The following GIPC1 variants were observed in gnomAD, a reference collection of about 807,000 sequenced individuals.
GIPC1 encodes the protein PDZ domain-containing protein GIPC1.
Under a neutral mutation model 28.5 loss-of-function variants are expected in GIPC1, and 15 were observed. That is an observed-to-expected ratio of 0.53 (90% CI 0.35 to 0.81). GIPC1 has a LOEUF of 0.81. GIPC1 is among the 30% of genes least tolerant of loss of function. The probability of loss-of-function intolerance (pLI) is 0.01; values close to 1 mark genes in which losing one functional copy is unlikely to be tolerated. For missense variants in GIPC1, 439 were observed against 481.9 expected (o/e 0.91, Z 0.83); for synonymous variants, 224 against 206.1 (o/e 1.09, Z -0.74).
chr19:14,495,834 C>T (rs2146500789), intron 1 of GIPC1, among the ~76,000 whole-genome samples: 1 of 152,132 alleles, frequency 6.6e-6, no homozygotes, highest in Non-Finnish European at 1.5e-5. Context: ...TGTCCCCTGC[C>T]CGCCAGCAGG....
chr19:14,478,938 G>A lies in GIPC1; in HGVS notation c.769-173C>T, dbSNP rs888842696. Among the ~76,000 whole-genome samples, 2 of 152,152 alleles carry A rather than the reference G, an allele frequency of 1.3e-5. No individual in the cohort carries two copies. Among genetic ancestry groups the A allele is most frequent in the East Asian group, 1.9e-4 (1 of 5,196 alleles). On this transcript the variant is annotated intron_variant, in intron 7 of 8. Coordinates refer to ENST00000393033, the MANE Select transcript of GIPC1 (RefSeq NM_005716.4). The surrounding 1 kb of genome is among the most constrained non-coding windows in gnomAD (Gnocchi z 5.2). The stretch of plus-strand genomic sequence containing the variant: ...CCCATTTTACTGATGGGCAAACTGC[G>A]GCCCATGTGCCCAAGGAAGGTCCCT...
intron 1 of GIPC1, 42 bp downstream of exon 1, chr19:14,495,995 G>T: frequency 5.0e-6 from 1 of 198,438 alleles, no homozygotes; most frequent in South Asian, 1.2e-4. Flanking sequence ...CGACCCCCGA[G>T]GCCCCCGGAG....
At chr19:14,491,249 T>C (rs532412434) in intron 3 of GIPC1, among the ~76,000 whole-genome samples, 2 of 151,990 alleles carry the variant, frequency 1.3e-5, no homozygotes, top group East Asian at 2.0e-4. Context: ...TGGATTCAGC[T>C]TGGCCGCATC....
chr19:14,486,077 GAT>G (rs1162731652), intron 3 of GIPC1, among the ~76,000 whole-genome samples: 1 of 152,036 alleles, frequency 6.6e-6, no homozygotes, highest in African/African-American at 2.4e-5. Context: ...GCAAGGAGGT[GAT>G]CTTTCTCTGT....
intron 3 of GIPC1, among the ~76,000 whole-genome samples, chr19:14,485,897 A>T (rs2071834030): frequency 6.6e-6 from 1 of 151,438 alleles, no homozygotes; most frequent in African/African-American, 2.4e-5. Flanking sequence ...CAGGCTCCGG[A>T]GTAGCTGGGA....
chr19:14,492,432 G>A (rs1200145930), intron 2 of GIPC1, among the ~76,000 whole-genome samples: 1 of 148,380 alleles, frequency 6.7e-6, no homozygotes, highest in African/African-American at 2.4e-5. Flanking sequence ...TCAGCCTCCC[G>A]AGTAGCTGGG....
intron 1 of GIPC1, among the ~76,000 whole-genome samples, chr19:14,493,596 T>C (rs1358449919): frequency 6.6e-6 from 1 of 152,134 alleles, no homozygotes; most frequent in Non-Finnish European, 1.5e-5. Flanking sequence ...TAGCTGGGAT[T>C]ACAGGCACGC....
rs544789195 is a variant in GIPC1, at chr19:14,496,090, C to A, written c.-228G>T. ...GCCGCCGCCGCTGCCTCCGCCTCCC[C>A]GTGCGCACCCGGCTCGGCCCTCCGC... On this transcript the variant is annotated 5_prime_UTR_variant, in exon 1 of 9. Transcript: ENST00000393033. The A allele has an allele frequency of 8.0e-4, 185 of 230,992 alleles. 2 individuals are homozygous for A. Among genetic ancestry groups the A allele is most frequent in the Middle Eastern group, 4.9e-3 (3 of 612 alleles). The allele number at this position is 230,992 out of a possible 1,614,324, so 14.3% of individuals were successfully genotyped here. A position where few individuals can be genotyped will look rare whatever the true frequency, so the allele number is the denominator to read the frequency against.
rs2071662135 is a variant in GIPC1 at position 14,478,859 on chromosome 19, C to T, written c.769-94G>A. The stretch of plus-strand genomic sequence containing the variant: ...CCATTGTCACCACTTTACATATATT[C>T]GTATTTAGACCTCAGGACAACCCTG... On this transcript the variant is annotated intron_variant, in intron 7 of 8. Transcript: ENST00000393033. The surrounding 1 kb of genome is among the most constrained non-coding windows in gnomAD (Gnocchi z 5.2). 7.4e-6 allele frequency: 7 copies of T among 945,932 alleles called. No individual in the cohort carries two copies. Among genetic ancestry groups the T allele is most frequent in the East Asian group, 4.8e-5 (2 of 41,884 alleles). The allele number at this position is 945,932 out of a possible 1,614,324, so 58.6% of individuals were successfully genotyped here. A position where few individuals can be genotyped will look rare whatever the true frequency, so the allele number is the denominator to read the frequency against.
chr19:14,490,009 G>A lies in GIPC1; in HGVS notation c.-31+1647C>T, dbSNP rs2071931623. Among the ~76,000 whole-genome samples the A allele has an allele frequency of 2.0e-5, 3 of 152,114 alleles. No homozygotes were observed. In the South Asian group the frequency reaches 6.2e-4, roughly 31 times the overall value. On this transcript the variant is annotated intron_variant, in intron 3 of 8. Transcript: ENST00000393033. ...TATGGGGCCAGATCTCTCCTGAATG[G>A]CTTGAAGTAGCTCTGGAAGCAATGA...
At chr19:14,482,629 GCA>G in intron 4 of GIPC1, 58 bp downstream of exon 4, 1 of 1,510,106 alleles carries the variant, frequency 6.6e-7, no homozygotes, top group Non-Finnish European at 9.1e-7. Flanking sequence ...TGAACAGGAT[GCA>G]GGCCCAGACC....
rs560650272 is a variant in GIPC1, at chr19:14,491,081, G to A, written c.-31+575C>T. Among the ~76,000 whole-genome samples, 223 of 152,180 alleles carry A rather than the reference G, an allele frequency of 1.5e-3. 2 individuals are homozygous for A. Among genetic ancestry groups the A allele is most frequent in the African/African-American group, 5.0e-3 (208 of 41,528 alleles). On this transcript the variant is annotated intron_variant, in intron 3 of 8. Coordinates refer to ENST00000393033, the MANE Select transcript of GIPC1 (RefSeq NM_005716.4). Reference sequence around the variant, plus strand: ...TCCCAACACTTTGGGAGGCCGAGGCGGGTGGATCACCTGAGGTCAGGAGTT... The same window carrying A: ...TCCCAACACTTTGGGAGGCCGAGGCAGGTGGATCACCTGAGGTCAGGAGTT...
chr19:14,480,541 C>G, intron 5 of GIPC1, 52 bp downstream of exon 5: 1 of 1,605,038 alleles, frequency 6.2e-7, no homozygotes, highest in Non-Finnish European at 8.5e-7. Context: ...TCCGGGGTCC[C>G]ATGGCCCACC....
chr19:14,483,034 C>G, intron 3 of GIPC1, 28 bp from the exon 4 acceptor site: 1 of 1,545,952 alleles, frequency 6.5e-7, no homozygotes, highest in Admixed American at 1.8e-5. Flanking sequence ...GGGCTCAGGG[C>G]CTGGGCAGAG....
chr19:14,488,191 C>G (rs1338026434), intron 3 of GIPC1, among the ~76,000 whole-genome samples: 1 of 152,158 alleles, frequency 6.6e-6, no homozygotes, highest in African/African-American at 2.4e-5. Context: ...TGGCTCAAGC[C>G]TGTAATCCCA....
chr19:14,483,789 A>C (rs548231209), intron 3 of GIPC1, among the ~76,000 whole-genome samples: 2 of 143,144 alleles, frequency 1.4e-5, no homozygotes, highest in Non-Finnish European at 3.0e-5. Flanking sequence ...AATAATAATA[A>C]TAATAATAAT....
At chr19:14,484,862 A>G (rs1027647489) in intron 3 of GIPC1, among the ~76,000 whole-genome samples, 1 of 151,682 alleles carries the variant, frequency 6.6e-6, no homozygotes, top group Non-Finnish European at 1.5e-5. Flanking sequence ...CGGCCTCTCA[A>G]AAGTGCTGGG....
rs1555721817 is a variant in GIPC1, at chr19:14,485,725, A to AGAGAGAGAGAGG, written c.-30-2720_-30-2719insCCTCTCTCTCTC. The stretch of plus-strand genomic sequence containing the variant: ...TATAGAGAGAGAGAGAGAGAGAGAG[A>AGAGAGAGAGAGG]GAGAGAGAGAGAGAGACAGAGAGAG... On this transcript the variant is annotated intron_variant, in intron 3 of 8. Coordinates refer to ENST00000393033, the MANE Select transcript of GIPC1 (RefSeq NM_005716.4). Among the ~76,000 whole-genome samples, 515 of 141,080 alleles carry AGAGAGAGAGAGG rather than the reference A, an allele frequency of 3.7e-3. 4 individuals are homozygous for AGAGAGAGAGAGG. Among genetic ancestry groups the AGAGAGAGAGAGG allele is most frequent in the Admixed American group, 9.2e-3 (122 of 13,316 alleles). The allele number at this position is 141,080 out of a possible 152,430, so 92.6% of individuals were successfully genotyped here.
Position 14,478,146 on chromosome 19 carries a change from G to A in GIPC1, c.*270C>T. ...GAGGCGGGGGTGGCCGCCCAATTTG[G>A]CTGATCCCTCCCCTCCCTGTGCCTG... On this transcript the variant is annotated 3_prime_UTR_variant, in exon 9 of 9. Coordinates refer to ENST00000393033, the MANE Select transcript of GIPC1 (RefSeq NM_005716.4). This position sits in a 1 kb window ranked among gnomAD's most constrained non-coding sequence, Gnocchi z 5.2. 2.3e-6 allele frequency: 1 copy of A among 425,636 alleles called. No homozygotes were observed. Among genetic ancestry groups the A allele is most frequent in the East Asian group, 3.6e-5 (1 of 27,896 alleles). 26.4% of individuals were successfully genotyped at this position (425,636 alleles called of 1,614,324 possible). A position where few individuals can be genotyped will look rare whatever the true frequency, so the allele number is the denominator to read the frequency against.
Sources: gnomAD v4.1 joint callset for allele counts (sites outside exome capture counted in the v4.1 genomes callset) on GRCh38, gnomAD v4.1.1 for gene constraint, Gnocchi (gnomAD v3.1) non-coding constraint, MANE v1.5 for transcripts, NCBI Gene and HGNC (gene_info 2026-07-23, HGNC 2026-07-21) for gene names.